CWC27: variants seen among roughly 807,000 people sequenced by gnomAD.
The protein encoded by CWC27 is CWC27 spliceosome associated cyclophilin.
A neutral mutation model predicts 63.6 loss-of-function variants in CWC27; 47 were observed. The observed-to-expected ratio is 0.74, with a 90% CI of 0.58 to 0.94. The LOEUF (loss-of-function observed/expected upper bound fraction) is 0.94, where lower values mean the gene tolerates loss of function less well. Ranked by LOEUF, CWC27 falls within the 40% of genes least tolerant of loss-of-function variation. The pLI is 0.00. For synonymous variants in CWC27, 175 were observed against 179.8 expected, an observed-to-expected ratio of 0.97 and a Z score of 0.22; for missense variants, 495 against 554.3, an observed-to-expected ratio of 0.89 and a Z score of 1.07.
chr5:64,807,849 C>T (rs1306972948), intron 10 of CWC27: 23 of 1,517,968 alleles, frequency 1.5e-5, no homozygotes, highest in Middle Eastern at 1.7e-4. Flanking sequence ...TTCCCCGCTT[C>T]GAGAGTAAAA....
intron 7 of CWC27, among the ~76,000 whole-genome samples, chr5:64,793,869 T>C (rs1744164007): frequency 6.6e-6 from 1 of 152,160 alleles, no homozygotes; most frequent in African/African-American, 2.4e-5. Context: ...TTACTTTATG[T>C]GAAAGGAGAA....
chr5:64,771,844 T>C (rs1320993310), intron 1 of CWC27, among the ~76,000 whole-genome samples: 1 of 152,172 alleles, frequency 6.6e-6, no homozygotes, highest in Non-Finnish European at 1.5e-5. Context: ...CAGTAGCTTA[T>C]TAATGAAAAG....
chr5:64,946,237 C>T (rs999901332), intron 11 of CWC27, among the ~76,000 whole-genome samples: 2 of 152,072 alleles, frequency 1.3e-5, no homozygotes, highest in Non-Finnish European at 2.9e-5. Context: ...AACTCTTTTA[C>T]CTAGAAGGAA....
chr5:64,937,167 C>G (rs1580736857), intron 11 of CWC27, among the ~76,000 whole-genome samples: 1 of 152,022 alleles, frequency 6.6e-6, no homozygotes, highest in East Asian at 1.9e-4. Context: ...TCTTGCTTCT[C>G]TAGTTCTTTT....
intron 11 of CWC27, among the ~76,000 whole-genome samples, chr5:64,911,949 C>T (rs1747795070): frequency 6.6e-6 from 1 of 151,908 alleles, no homozygotes; most frequent in Admixed American, 6.6e-5. Context: ...TGGCGGGCAC[C>T]TGCAGTCCCA....
intron 11 of CWC27, among the ~76,000 whole-genome samples, chr5:64,950,717 C>T (rs1462919529): frequency 6.6e-6 from 1 of 151,868 alleles, no homozygotes; most frequent in Non-Finnish European, 1.5e-5. Context: ...GTTATATAAC[C>T]ACCAGCACAA....
intron 10 of CWC27, among the ~76,000 whole-genome samples, chr5:64,841,552 A>G (rs1056633483): frequency 2.0e-5 from 3 of 152,202 alleles, no homozygotes; most frequent in Non-Finnish European, 4.4e-5. Flanking sequence ...TTTCTGTAAT[A>G]TCTATCACTA....
intron 7 of CWC27, among the ~76,000 whole-genome samples, chr5:64,793,933 C>A (rs569419451): frequency 1.3e-5 from 2 of 152,206 alleles, no homozygotes; most frequent in Admixed American, 1.3e-4. Context: ...ATTACAGACA[C>A]CCCTTCACCC....
At chr5:64,910,956 C>T (rs752357281) in intron 11 of CWC27, among the ~76,000 whole-genome samples, 4 of 152,196 alleles carry the variant, frequency 2.6e-5, no homozygotes, top group Non-Finnish European at 5.9e-5. Context: ...CCGTGGGCTG[C>T]ACCCATTGTC....
chr5:65,018,333 T>A lies in CWC27; in HGVS notation c.*12T>A. ...AAGAAAGAAGATAAAATGAGAATAA[T>A]GATAACCAGAACTTGCTGGAAATGT... On this transcript the variant is annotated 3_prime_UTR_variant, in exon 14 of 14. Transcript: ENST00000381070. 6.3e-7 allele frequency: 1 copy of A among 1,578,984 alleles called. No individual in the cohort carries two copies. The highest frequency in any genetic ancestry group is 8.6e-7 in the Non-Finnish European group (1 of 1,167,802).
intron 11 of CWC27, among the ~76,000 whole-genome samples, chr5:64,943,916 A>G (rs1176722995): frequency 6.6e-6 from 1 of 152,110 alleles, no homozygotes; most frequent in African/African-American, 2.4e-5. Context: ...AGTCTGAGCA[A>G]CAAGAAGAAA....
At chr5:64,861,467 T>C (rs1746411281) in intron 10 of CWC27, among the ~76,000 whole-genome samples, 1 of 152,164 alleles carries the variant, frequency 6.6e-6, no homozygotes, top group South Asian at 2.1e-4. Context: ...CACTTATACT[T>C]ATGTGTAAGT....
chr5:64,839,044 G>T (rs1435247503), intron 10 of CWC27, among the ~76,000 whole-genome samples: 1 of 152,146 alleles, frequency 6.6e-6, no homozygotes, highest in African/African-American at 2.4e-5. Context: ...ACAATGGAAG[G>T]TGGGGCCATT....
intron 11 of CWC27, among the ~76,000 whole-genome samples, chr5:64,922,460 A>T (rs539859105): frequency 1.3e-5 from 2 of 152,134 alleles, no homozygotes; most frequent in Non-Finnish European, 2.9e-5. Flanking sequence ...TCCTGTAGTG[A>T]ATTTTTCATA....
At chr5:64,911,326 T>C (rs1325084571) in intron 11 of CWC27, among the ~76,000 whole-genome samples, 2 of 152,138 alleles carry the variant, frequency 1.3e-5, no homozygotes, top group Non-Finnish European at 2.9e-5. Flanking sequence ...TACAAATAAA[T>C]AGAAATATTA....
At chr5:64,853,963 C>T (rs1443297121) in intron 10 of CWC27, among the ~76,000 whole-genome samples, 12 of 152,314 alleles carry the variant, frequency 7.9e-5, no homozygotes, top group Admixed American at 4.6e-4. Flanking sequence ...TATTAAATAA[C>T]GCCTCATTTC....
chr5:64,973,956 C>T (rs1045002006), intron 12 of CWC27, among the ~76,000 whole-genome samples: 2 of 151,760 alleles, frequency 1.3e-5, no homozygotes, highest in East Asian at 1.9e-4. Flanking sequence ...TAGTTAGGGC[C>T]AGGCATGGTG....
chr5:65,000,943 C>T (rs1749721810), intron 13 of CWC27, among the ~76,000 whole-genome samples: 1 of 151,910 alleles, frequency 6.6e-6, no homozygotes, highest in Non-Finnish European at 1.5e-5. Context: ...AACATTAATT[C>T]TTTTGATCCA....
chr5:64,818,592 G>A (rs989605353), intron 10 of CWC27, among the ~76,000 whole-genome samples: 3 of 152,120 alleles, frequency 2.0e-5, no homozygotes, highest in Non-Finnish European at 2.9e-5. Context: ...GGGTGTTATG[G>A]GACCTTGTAT....
Sources: gnomAD v4.1 joint callset for allele counts (sites outside exome capture counted in the v4.1 genomes callset) on GRCh38, gnomAD v4.1.1 for gene constraint, MANE v1.5 for transcripts, NCBI Gene and HGNC (gene_info 2026-07-23, HGNC 2026-07-21) for gene names.